The following KYAT1 variants were observed in gnomAD, a reference collection of about 807,000 sequenced individuals.
KYAT1 encodes kynurenine aminotransferase 1.
Under a neutral mutation model 52.4 loss-of-function variants are expected in KYAT1, and 47 were observed. The ratio of observed to expected loss-of-function variants is 0.90; its 90% CI spans 0.71 to 1.14. The LOEUF (loss-of-function observed/expected upper bound fraction) is 1.14. KYAT1 is among the 50% of genes most tolerant of loss of function. KYAT1 has a pLI of 0.00. For missense variants in KYAT1, 480 were observed against 557.9 expected (o/e 0.86, Z 1.41); for synonymous variants, 212 against 209.6 (o/e 1.01, Z -0.10).
intron 1 of KYAT1, among the ~76,000 whole-genome samples, chr9:128,849,089 T>A (rs1488743919): frequency 6.7e-6 from 1 of 149,538 alleles, no homozygotes; most frequent in Admixed American, 6.7e-5. Context: ...TACTCCAGCC[T>A]AAGCGACAAA....
At chr9:128,847,543 TG>T in intron 1 of KYAT1, 10 of 1,528,112 alleles carry the variant, frequency 6.5e-6, no homozygotes, top group Non-Finnish European at 8.8e-6. Context: ...CCCAGAGCCT[TG>T]GGGCACTGCA....
At chr9:128,881,080 A>G (rs1277746203) in intron 1 of KYAT1, among the ~76,000 whole-genome samples, 1 of 152,096 alleles carries the variant, frequency 6.6e-6, no homozygotes, top group Admixed American at 6.5e-5. Flanking sequence ...GCACCCATCA[A>G]CGCTGTTTTT....
chr9:128,862,445 T>C (rs570466020), intron 1 of KYAT1, among the ~76,000 whole-genome samples: 2 of 152,318 alleles, frequency 1.3e-5, no homozygotes, highest in African/African-American at 4.8e-5. Flanking sequence ...CCTAACATAC[T>C]AAAATAACAA....
intron 1 of KYAT1, among the ~76,000 whole-genome samples, chr9:128,877,866 A>G (rs138941003): frequency 6.6e-6 from 1 of 152,198 alleles, no homozygotes; most frequent in Non-Finnish European, 1.5e-5. Flanking sequence ...GACAACACAC[A>G]TCGTGGCACC....
chr9:128,847,417 G>A (rs1366907947), intron 1 of KYAT1: 1 of 1,515,742 alleles, frequency 6.6e-7, no homozygotes, highest in South Asian at 1.2e-5. Context: ...CAGAGTATTG[G>A]GGTTAGGGCA....
chr9:128,879,032 C>T (rs533024065), intron 1 of KYAT1, among the ~76,000 whole-genome samples: 3 of 152,244 alleles, frequency 2.0e-5, no homozygotes, highest in East Asian at 1.9e-4. Context: ...GCCGGGAGGC[C>T]GGGCGCGGTG....
chr9:128,860,624 T>G (rs1564485867), intron 1 of KYAT1: 1 of 151,390 alleles, frequency 6.6e-6, no homozygotes, highest in Non-Finnish European at 1.5e-5. Context: ...GGAGTGCAGT[T>G]GCGCAATCTC....
chr9:128,840,477 C>T (rs927781200), intron 3 of KYAT1: 4 of 340,820 alleles, frequency 1.2e-5, no homozygotes, highest in African/African-American at 8.7e-5. Context: ...TCTTGAACTC[C>T]TGACCTCAGG....
At chr9:128,842,116 T>C in intron 3 of KYAT1, 1 of 363,666 alleles carries the variant, frequency 2.7e-6, no homozygotes, top group Non-Finnish European at 5.7e-6. Flanking sequence ...CACTTGAGAC[T>C]GGCAGGGTCA....
At chr9:128,857,113 G>A (rs190486476) in intron 1 of KYAT1, among the ~76,000 whole-genome samples, 335 of 152,326 alleles carry the variant, frequency 2.2e-3, no homozygotes, top group African/African-American at 6.2e-3. Context: ...GTTTGGGCGG[G>A]GAGAAACATA....
intron 1 of KYAT1, 134 bp from the exon 2 acceptor site, chr9:128,845,545 G>A (rs1021782238): frequency 7.6e-6 from 6 of 789,460 alleles, no homozygotes; most frequent in Non-Finnish European, 1.2e-5. Flanking sequence ...AAGAGATAGA[G>A]TTTGCAGAAG....
intron 3 of KYAT1, chr9:128,842,046 G>T: frequency 4.4e-6 from 1 of 227,488 alleles, no homozygotes; most frequent in South Asian, 4.9e-5. Flanking sequence ...AATAAAATTA[G>T]CTGGGCATGG....
intron 1 of KYAT1, chr9:128,846,878 C>A: frequency 6.5e-7 from 1 of 1,528,808 alleles, no homozygotes; most frequent in South Asian, 1.2e-5. Flanking sequence ...AATAGTGAAC[C>A]CTGGCTCAGG....
intron 1 of KYAT1, among the ~76,000 whole-genome samples, chr9:128,857,261 G>A (rs1011086429): frequency 1.3e-5 from 2 of 152,176 alleles, no homozygotes; most frequent in Non-Finnish European, 2.9e-5. Context: ...CTCTTGCTGA[G>A]ATAATAAAAA....
At chr9:128,852,923 T>G (rs1345070381) in intron 1 of KYAT1, among the ~76,000 whole-genome samples, 2 of 152,144 alleles carry the variant, frequency 1.3e-5, no homozygotes, top group Non-Finnish European at 2.9e-5. Context: ...CACAAGTAAA[T>G]AGAATAGATC....
chr9:128,846,617 A>AC, intron 1 of KYAT1: 1 of 1,044,828 alleles, frequency 9.6e-7, no homozygotes, highest in East Asian at 2.8e-5. Flanking sequence ...AAAAAAAAAA[A>AC]AAAAAAAAGA....
intron 1 of KYAT1, among the ~76,000 whole-genome samples, chr9:128,864,290 C>G (rs575910720): frequency 7.2e-6 from 1 of 139,156 alleles, no homozygotes; most frequent in African/African-American, 2.6e-5. Context: ...GTTGTGAACC[C>G]GGGAGGCGAA....
rs1830516042 is a variant in KYAT1, at chr9:128,833,762, T to C, written c.1187A>G (p.Tyr396Cys). The C allele has an allele frequency of 1.2e-6, 2 of 1,614,116 alleles. No individual in the cohort carries two copies. The highest frequency in any genetic ancestry group is 2.2e-5 in the East Asian group (1 of 44,888). Residue 396 changes from tyrosine (Y) to cysteine (C), a missense_variant, in exon 12 of 13, where the codon TAT becomes TGT. By Grantham distance (194) the Tyr-to-Cys change is radical. Coordinates refer to ENST00000302586, the MANE Select transcript of KYAT1 (RefSeq NM_004059.5). ...TACCTTCACAAAACAGAAGCGGATA[T>C]AGTGGTCAAAGTGCTTCTGATGTGG... ...SVPHQKHFDH[Y>C]IRFCFVKDEA...
At chr9:128,865,134 G>A (rs1485827643) in intron 1 of KYAT1, among the ~76,000 whole-genome samples, 2 of 146,854 alleles carry the variant, frequency 1.4e-5, no homozygotes, top group Non-Finnish European at 3.0e-5. Flanking sequence ...GCTGAGGTGG[G>A]AGGATCACTT....
Sources: gnomAD v4.1 joint callset for allele counts (sites outside exome capture counted in the v4.1 genomes callset) on GRCh38, gnomAD v4.1.1 for gene constraint, MANE v1.5 for transcripts, NCBI Gene and HGNC (gene_info 2026-07-23, HGNC 2026-07-21) for gene names.